The following DOCK3 variants were observed in gnomAD, a reference collection of about 807,000 sequenced individuals.
DOCK3 encodes dedicator of cytokinesis 3, also known as dedicator of cytokinesis protein 3.
In DOCK3, 60 loss-of-function variants were observed where a neutral mutation model predicts 265.6. That is an observed-to-expected ratio of 0.23 (90% CI 0.18 to 0.28). DOCK3 has a LOEUF of 0.28. Among genes scored for constraint, DOCK3 ranks in the 10% least tolerant of loss-of-function variants. DOCK3 has a pLI of 1.00. For synonymous variants in DOCK3, 881 were observed against 938.0 expected, an observed-to-expected ratio of 0.94 and a Z score of 1.11; for missense variants, 1,981 against 2,594.3, an observed-to-expected ratio of 0.76 and a Z score of 5.14.
chr3:50,812,491 A>G (rs1291651601), intron 2 of DOCK3, among the ~76,000 whole-genome samples: 2 of 152,200 alleles, frequency 1.3e-5, no homozygotes, highest in Non-Finnish European at 2.9e-5. Context: ...AAAATAAAAG[A>G]TATTATGGAG....
intron 27 of DOCK3, among the ~76,000 whole-genome samples, chr3:51,284,541 G>A (rs1040027028): frequency 2.0e-5 from 3 of 152,286 alleles, no homozygotes; most frequent in Middle Eastern, 6.8e-3. Context: ...CCCCTTTGGA[G>A]CAGTGCAGAA....
At chr3:50,703,288 G>A (rs543618792) in intron 1 of DOCK3, among the ~76,000 whole-genome samples, 1 of 152,140 alleles carries the variant, frequency 6.6e-6, no homozygotes, top group South Asian at 2.1e-4. Context: ...TATCAAGGAT[G>A]TTGGCCTGTA....
rs1233119319 is a variant in DOCK3 at position 50,719,683 on chromosome 3, A to G, written c.37+44383A>G. On this transcript the variant is annotated intron_variant, in intron 1 of 52. Coordinates refer to ENST00000266037, the MANE Select transcript of DOCK3 (RefSeq NM_004947.5). ...GTGTTGGGTCCAGCATTTGACATGGACAAGATGCCGGGACTTGTATGCTTC... is the reference window on the plus strand; with the variant it reads ...GTGTTGGGTCCAGCATTTGACATGGGCAAGATGCCGGGACTTGTATGCTTC... The G allele has an allele frequency of 1.9e-6, 3 of 1,552,440 alleles. No individual in the cohort carries two copies. The Admixed American group carries it at 5.0e-5, about 26-fold the overall frequency.
chr3:50,734,523 C>G (rs1184055249), intron 1 of DOCK3, among the ~76,000 whole-genome samples: 2 of 151,638 alleles, frequency 1.3e-5, no homozygotes, highest in East Asian at 3.9e-4. Context: ...ACCAAACAAA[C>G]TCTACAACTG....
At chr3:50,872,975 C>T (rs1213878696) in intron 3 of DOCK3, among the ~76,000 whole-genome samples, 1 of 152,188 alleles carries the variant, frequency 6.6e-6, no homozygotes, top group Non-Finnish European at 1.5e-5. Context: ...AAATGCAGTC[C>T]AAGAGCCAAG....
chr3:51,087,649 A>C (rs781642315), intron 7 of DOCK3, among the ~76,000 whole-genome samples: 33 of 152,344 alleles, frequency 2.2e-4, no homozygotes, highest in Middle Eastern at 3.4e-3. Context: ...AAGCAAGAGA[A>C]AGAAATAAAA....
chr3:51,245,452 C>T (rs1191415619), intron 21 of DOCK3, among the ~76,000 whole-genome samples: 2 of 144,784 alleles, frequency 1.4e-5, no homozygotes, highest in Non-Finnish European at 3.0e-5. Context: ...GTGCAATGGC[C>T]TGATCTTGGC....
At chr3:51,250,627 A>G (rs1322960561) in intron 22 of DOCK3, among the ~76,000 whole-genome samples, 1 of 152,078 alleles carries the variant, frequency 6.6e-6, no homozygotes, top group Non-Finnish European at 1.5e-5. Context: ...TCAAGAGAAA[A>G]CAAACAAACA....
At chr3:50,826,587 A>G (rs938035748) in intron 2 of DOCK3, among the ~76,000 whole-genome samples, 1 of 152,020 alleles carries the variant, frequency 6.6e-6, no homozygotes, top group African/African-American at 2.4e-5. Flanking sequence ...CTCCCATTCT[A>G]CTCCCCAAAA....
At chr3:50,982,542 C>T (rs2077732156) in intron 5 of DOCK3, among the ~76,000 whole-genome samples, 1 of 152,190 alleles carries the variant, frequency 6.6e-6, no homozygotes, top group South Asian at 2.1e-4. Context: ...CTGCATCAGC[C>T]CTAGTCCTGG....
chr3:51,190,100 A>G (rs1421630193), intron 12 of DOCK3, among the ~76,000 whole-genome samples: 4 of 152,162 alleles, frequency 2.6e-5, no homozygotes, highest in Non-Finnish European at 5.9e-5. Context: ...CTGCTGAAGG[A>G]AACTTCCCAC....
chr3:51,214,560 A>G (rs1224361003), intron 14 of DOCK3, among the ~76,000 whole-genome samples: 2 of 152,210 alleles, frequency 1.3e-5, no homozygotes, highest in South Asian at 2.1e-4. Context: ...GAGAGTTTTT[A>G]TACTCTACTA....
intron 5 of DOCK3, among the ~76,000 whole-genome samples, chr3:50,935,993 G>A (rs1011721749): frequency 2.6e-5 from 4 of 152,164 alleles, no homozygotes; most frequent in African/African-American, 4.8e-5. Flanking sequence ...TGACACAGAT[G>A]TGGAATGATT....
chr3:51,232,616 C>T (rs1448524248), intron 19 of DOCK3, among the ~76,000 whole-genome samples: 2 of 152,154 alleles, frequency 1.3e-5, no homozygotes, highest in African/African-American at 4.8e-5. Flanking sequence ...TTGTGTTTCC[C>T]TGATGATTAA....
chr3:51,245,477 G>A (rs1251957041), intron 21 of DOCK3, among the ~76,000 whole-genome samples: 5 of 142,188 alleles, frequency 3.5e-5, no homozygotes, highest in Admixed American at 7.6e-5. Flanking sequence ...TGCAACCTCC[G>A]CCTCCTGGGT....
At chr3:51,165,328 A>C (rs2086342736) in intron 12 of DOCK3, among the ~76,000 whole-genome samples, 1 of 152,228 alleles carries the variant, frequency 6.6e-6, no homozygotes, top group African/African-American at 2.4e-5. Context: ...TTGACAAATA[A>C]AAAATTGTGC....
At chr3:51,138,137 T>C (rs1359270176) in intron 9 of DOCK3, among the ~76,000 whole-genome samples, 1 of 152,220 alleles carries the variant, frequency 6.6e-6, no homozygotes, top group Non-Finnish European at 1.5e-5. Context: ...TGAAAAGTCC[T>C]AGAGGGTAGA....
intron 1 of DOCK3, among the ~76,000 whole-genome samples, chr3:50,763,215 G>A (rs1182572370): frequency 6.6e-6 from 1 of 152,136 alleles, no homozygotes; most frequent in Non-Finnish European, 1.5e-5. Context: ...ACCTGTGAGA[G>A]GCATTGTGAT....
chr3:51,056,470 G>C (rs1298114788), intron 5 of DOCK3, among the ~76,000 whole-genome samples: 1 of 152,042 alleles, frequency 6.6e-6, no homozygotes, highest in East Asian at 1.9e-4. Context: ...GGATGGTCTC[G>C]ATGTCCTGAC....
Sources: allele counts gnomAD v4.1 joint callset (sites outside exome capture counted in the v4.1 genomes callset), GRCh38; gene constraint gnomAD v4.1.1; transcripts MANE v1.5; gene names NCBI Gene and HGNC (gene_info 2026-07-23, HGNC 2026-07-21).